Variants in LRMDA observed in about 807,000 individuals in gnomAD.
LRMDA encodes the protein leucine rich melanocyte differentiation associated.
LRMDA carries 18 observed loss-of-function variants against 29.8 expected under a neutral mutation model. The ratio of observed to expected loss-of-function variants is 0.60; its 90% CI spans 0.42 to 0.90. The LOEUF is 0.90. Ranked by LOEUF, LRMDA falls within the 40% of genes least tolerant of loss-of-function variation. The pLI is 0.00. For synonymous variants in LRMDA, 125 were observed against 109.4 expected, an observed-to-expected ratio of 1.14 and a Z score of -0.89; for missense variants, 273 against 273.9, an observed-to-expected ratio of 1.00 and a Z score of 0.02.
At chr10:75,466,309 T>G (rs763721744) in intron 2 of LRMDA, among the ~76,000 whole-genome samples, 2 of 152,114 alleles carry the variant, frequency 1.3e-5, no homozygotes, top group Non-Finnish European at 2.9e-5. Context: ...TGCTTAATTT[T>G]GGGGGAGATT....
At chr10:76,219,528 C>T (rs1589381126) in intron 5 of LRMDA, among the ~76,000 whole-genome samples, 1 of 152,178 alleles carries the variant, frequency 6.6e-6, no homozygotes, top group Non-Finnish European at 1.5e-5. Context: ...AAGGCCATTA[C>T]ATAATGGTAA....
At chr10:76,312,907 A>C (rs1031975767) in intron 5 of LRMDA, among the ~76,000 whole-genome samples, 4 of 152,224 alleles carry the variant, frequency 2.6e-5, no homozygotes, top group African/African-American at 9.6e-5. Flanking sequence ...TTACCTCTCA[A>C]GAAACTTAAA....
intron 2 of LRMDA, among the ~76,000 whole-genome samples, chr10:75,543,292 C>T (rs74715344): frequency 0.025 from 3,841 of 152,268 alleles, 176 homozygotes; most frequent in African/African-American, 0.087. Flanking sequence ...TTTAACAGGG[C>T]GCTGTTAAAA....
chr10:76,548,025 C>T (rs1273484193), intron 6 of LRMDA, among the ~76,000 whole-genome samples: 1 of 152,160 alleles, frequency 6.6e-6, no homozygotes, highest in African/African-American at 2.4e-5. Flanking sequence ...TCTCCGGAGA[C>T]CCCTGGTTCC....
intron 2 of LRMDA, among the ~76,000 whole-genome samples, chr10:75,921,670 A>G (rs549661389): frequency 9.3e-4 from 142 of 152,362 alleles, no homozygotes; most frequent in African/African-American, 3.3e-3. Context: ...ACATGGTTGT[A>G]TAGACATTTC....
intron 5 of LRMDA, among the ~76,000 whole-genome samples, chr10:76,287,871 T>G (rs542616704): frequency 1.6e-4 from 24 of 152,180 alleles, no homozygotes; most frequent in Non-Finnish European, 3.5e-4. Flanking sequence ...ATCTTTGTTG[T>G]GCTGCACTAC....
intron 2 of LRMDA, among the ~76,000 whole-genome samples, chr10:75,632,410 TTTTC>T (rs1841335276): frequency 6.6e-6 from 1 of 152,176 alleles, no homozygotes; most frequent in African/African-American, 2.4e-5. Flanking sequence ...GTTATCTCTT[TTTTC>T]TTTTTTTCCT....
At chr10:75,731,617 A>G (rs942514448) in intron 2 of LRMDA, among the ~76,000 whole-genome samples, 4 of 152,226 alleles carry the variant, frequency 2.6e-5, no homozygotes, top group African/African-American at 7.2e-5. Flanking sequence ...AGTCATTCCC[A>G]TCTCTGGACT....
chr10:76,112,300 G>A (rs1416280862), intron 5 of LRMDA, among the ~76,000 whole-genome samples: 2 of 152,204 alleles, frequency 1.3e-5, no homozygotes, highest in Non-Finnish European at 2.9e-5. Context: ...GAGCACACTG[G>A]GGGCATGCAG....
chr10:76,179,058 T>G (rs1850993411), intron 5 of LRMDA, among the ~76,000 whole-genome samples: 1 of 152,210 alleles, frequency 6.6e-6, no homozygotes, highest in Non-Finnish European at 1.5e-5. Context: ...TCCTTAGACT[T>G]GTAAGAACTG....
In LRMDA at chr10:75,618,382, C is replaced by CTA. The variant is rs71477026; in HGVS notation, c.131+179912_131+179913dup. ...TCTCTCTCTCTCTCTCTCTCTCTCT[C>CTA]TATATATATATATATATATATATAT... On this transcript the variant is annotated intron_variant, in intron 2 of 6. Coordinates refer to ENST00000611255, the MANE Select transcript of LRMDA (RefSeq NM_001305581.2). Among the ~76,000 whole-genome samples the CTA allele has an allele frequency of 4.9e-3, 380 of 76,988 alleles. 3 individuals carry two copies. The highest frequency in any genetic ancestry group is 9.0e-3 in the African/African-American group (217 of 24,042). The allele number at this position is 76,988 out of a possible 152,430, so 50.5% of individuals were successfully genotyped here. A position where few individuals can be genotyped will look rare whatever the true frequency, so the allele number is the denominator to read the frequency against.
chr10:76,029,709 A>G (rs1848118121), intron 2 of LRMDA, among the ~76,000 whole-genome samples: 1 of 152,168 alleles, frequency 6.6e-6, no homozygotes, highest in Non-Finnish European at 1.5e-5. Context: ...ATTCTTAGAT[A>G]TGGTGCAGGG....
At chr10:75,893,156 C>T (rs770509972) in intron 2 of LRMDA, among the ~76,000 whole-genome samples, 24 of 152,218 alleles carry the variant, frequency 1.6e-4, no homozygotes, top group Middle Eastern at 3.4e-3. Context: ...TTCTTAGTGA[C>T]GACCTGGTGA....
At chr10:75,779,221 A>C (rs1843349065) in intron 2 of LRMDA, among the ~76,000 whole-genome samples, 1 of 152,094 alleles carries the variant, frequency 6.6e-6, no homozygotes. Flanking sequence ...TTCTCATTTC[A>C]GTTTTGGATG....
At chr10:76,305,017 A>G (rs1923614) in intron 5 of LRMDA, among the ~76,000 whole-genome samples, 133,052 of 152,158 alleles carry the variant, frequency 0.87, 58,894 homozygotes, top group Non-Finnish European at 0.95. Context: ...TTAAGCAGAG[A>G]GGCCCCAGTT....
At chr10:75,714,548 A>G (rs1186010950) in intron 2 of LRMDA, among the ~76,000 whole-genome samples, 1 of 152,246 alleles carries the variant, frequency 6.6e-6, no homozygotes, top group African/African-American at 2.4e-5. Context: ...GCTCAATGGA[A>G]CAGATCACAT....
At chr10:76,521,150 T>TTTTA (rs1843115755) in intron 6 of LRMDA, among the ~76,000 whole-genome samples, 2 of 126,596 alleles carry the variant, frequency 1.6e-5, no homozygotes, top group South Asian at 5.3e-4. Flanking sequence ...TTTTTTTTTT[T>TTTTA]TGAGACGGAG....
chr10:75,582,633 TC>T (rs1166084716), intron 2 of LRMDA, among the ~76,000 whole-genome samples: 1 of 152,174 alleles, frequency 6.6e-6, no homozygotes, highest in Non-Finnish European at 1.5e-5. Context: ...TCAAGGCATT[TC>T]CCCCATTGTT....
chr10:75,939,747 T>G (rs1001068912), intron 2 of LRMDA, among the ~76,000 whole-genome samples: 5 of 152,174 alleles, frequency 3.3e-5, no homozygotes, highest in Non-Finnish European at 5.9e-5. Context: ...ATCCGGACTT[T>G]GGGCTGGGGT....
Sources: gnomAD v4.1 joint callset for allele counts (sites outside exome capture counted in the v4.1 genomes callset) on GRCh38, gnomAD v4.1.1 for gene constraint, MANE v1.5 for transcripts, NCBI Gene and HGNC (gene_info 2026-07-23, HGNC 2026-07-21) for gene names.